RIC3: variants seen among roughly 807,000 people sequenced by gnomAD.
The protein encoded by RIC3 is protein RIC-3.
Under a neutral mutation model 27.3 loss-of-function variants are expected in RIC3, and 28 were observed. The observed-to-expected ratio is 1.02, with a 90% CI of 0.76 to 1.41. The LOEUF is 1.41. RIC3 is among the 40% of genes most tolerant of loss of function. The pLI is 0.00. For missense variants in RIC3, 501 were observed against 444.7 expected (o/e 1.13, Z -1.14); for synonymous variants, 184 against 160.4 (o/e 1.15, Z -1.11).
the RIC3 span, among the ~76,000 whole-genome samples, chr11:8,096,462 G>A: frequency 3.3e-4 from 51 of 152,252 alleles, no homozygotes; most frequent in African/African-American, 7.9e-4. Flanking sequence ...GGCCAGCCCC[G>A]GCTCATGTGT....
chr11:8,153,467 A>C (rs770186699), intron 1 of RIC3: 1 of 448,194 alleles, frequency 2.2e-6, no homozygotes, highest in African/African-American at 2.0e-5. Flanking sequence ...TCATTCAATA[A>C]ATATTGGATT....
rs1469937904 is a variant in RIC3, at chr11:8,137,536, C to T, written c.428-65G>A. On this transcript the variant is annotated intron_variant, in intron 3 of 5. Transcript: ENST00000309737. ...CTCCCTAAACCTGTTAAAGAGACCACAAATTTTTAAAAAGCTATTGTACTG... is the reference window on the plus strand; with the variant it reads ...CTCCCTAAACCTGTTAAAGAGACCATAAATTTTTAAAAAGCTATTGTACTG... The T allele has an allele frequency of 4.5e-6, 6 of 1,319,018 alleles. No homozygotes were observed. In the Admixed American group the frequency reaches 7.4e-5, roughly 16 times the overall value. 81.7% of individuals were successfully genotyped at this position (1,319,018 alleles called of 1,614,324 possible).
rs1945511027 is a variant in RIC3, at chr11:8,113,644, G to A, written c.671-2507C>T. Among the ~76,000 whole-genome samples the A allele has an allele frequency of 2.0e-5, 3 of 152,100 alleles. No individual in the cohort carries two copies. In the South Asian group the frequency reaches 6.2e-4, roughly 32 times the overall value. ...CACCCCCACCTTCAGGTTGGCCCCT[G>A]CATTCCCACAATCCAGCAGACCCTG... is the stretch of plus-strand genomic sequence containing the variant. On this transcript the variant is annotated intron_variant, in intron 5 of 5. Transcript: ENST00000309737.
chr11:8,162,629 C>CTTTTTTTTTT (rs757717970), intron 1 of RIC3, among the ~76,000 whole-genome samples: 49 of 83,736 alleles, frequency 5.9e-4, no homozygotes, highest in South Asian at 8.6e-4. Flanking sequence ...CATGCTTCTT[C>CTTTTTTTTTT]TTTTTTTTTT....
intron 4 of RIC3, among the ~76,000 whole-genome samples, chr11:8,127,594 T>C (rs1202709907): frequency 2.0e-5 from 3 of 152,200 alleles, no homozygotes; most frequent in Non-Finnish European, 4.4e-5. Context: ...ACAGTTTGAT[T>C]GTTTTCTTCT....
At chr11:8,131,112 TC>T (rs1947644206) in intron 4 of RIC3, among the ~76,000 whole-genome samples, 3 of 51,008 alleles carry the variant, frequency 5.9e-5, no homozygotes, top group Admixed American at 1.9e-4. Flanking sequence ...ATTCATTCAC[TC>T]ACTCACTCAC....
chr11:8,135,621 A>C (rs1368224214), intron 4 of RIC3: 1 of 152,166 alleles, frequency 6.6e-6, no homozygotes, highest in East Asian at 1.9e-4. Flanking sequence ...ATGAGCATGG[A>C]ATGTTCTTCC....
Position 8,137,465 on chromosome 11 carries a change from A to C in RIC3, c.434T>G (p.Phe145Cys). 9 of 1,613,764 alleles carry C rather than the reference A, an allele frequency of 5.6e-6. No individual in the cohort carries two copies. Among genetic ancestry groups the C allele is most frequent in the Non-Finnish European group, 7.6e-6 (9 of 1,179,952 alleles). ...TTTTTCTTGCAGTTGAGCAAGCTCA[A>C]AACTGGCTAAAAAATAAGCAACAAT... ...PGNTHRKITSFELAQLQEKLK... is the reference protein window; with the variant it reads ...PGNTHRKITSCELAQLQEKLK... Residue 145 changes from phenylalanine to cysteine, a missense_variant, in exon 4 of 6, where the codon TTT becomes TGT. Transcript: ENST00000309737.
chr11:8,147,877 G>A (rs994490943), intron 1 of RIC3, among the ~76,000 whole-genome samples: 4 of 152,010 alleles, frequency 2.6e-5, no homozygotes, highest in Admixed American at 2.6e-4. Flanking sequence ...ACAGGCATGT[G>A]CCACCACGCC....
chr11:8,137,162 T>A (rs935688634), intron 4 of RIC3, among the ~76,000 whole-genome samples: 11 of 152,150 alleles, frequency 7.2e-5, no homozygotes, highest in African/African-American at 2.7e-4. Context: ...GTAGCTGGGA[T>A]TGCAGGTGTG....
the RIC3 span, among the ~76,000 whole-genome samples, chr11:8,094,931 G>A: frequency 6.6e-6 from 1 of 152,248 alleles, no homozygotes; most frequent in Admixed American, 6.5e-5. Context: ...GTCAGGCCTT[G>A]CTTCTGTTGC....
the RIC3 span, chr11:8,097,586 C>T: frequency 7.6e-7 from 1 of 1,315,236 alleles, no homozygotes. Flanking sequence ...TTTTCCAGTG[C>T]ATTTGTGTGT....
At chr11:8,144,475 A>G (rs369613287) in intron 1 of RIC3, among the ~76,000 whole-genome samples, 1 of 147,332 alleles carries the variant, frequency 6.8e-6, no homozygotes, top group South Asian at 2.3e-4. Context: ...CAAAACCACA[A>G]TGAGATACCA....
At chr11:8,137,348 T>C (rs375875181) in intron 4 of RIC3, 30 bp downstream of exon 4, 15 of 1,580,396 alleles carry the variant, frequency 9.5e-6, no homozygotes, top group African/African-American at 2.7e-5. Flanking sequence ...AAATGAGAAA[T>C]AGTCTGAGTC....
At chr11:8,105,819 C>G (rs1369971792), downstream of RIC3, 1 of 152,190 alleles carries the variant, frequency 6.6e-6, no homozygotes, top group Non-Finnish European at 1.5e-5. Context: ...CTAGCAAGGT[C>G]CAGGCAAAGC....
At chr11:8,155,068 T>G (rs1456083249) in intron 1 of RIC3, among the ~76,000 whole-genome samples, 1 of 151,766 alleles carries the variant, frequency 6.6e-6, no homozygotes, top group African/African-American at 2.4e-5. Flanking sequence ...AAAACTTTTA[T>G]AAATCAGCCG....
At chr11:8,095,486 C>T in the RIC3 span, 21 of 1,602,604 alleles carry the variant, frequency 1.3e-5, no homozygotes, top group East Asian at 3.1e-4. Flanking sequence ...CAGGCGTGTC[C>T]GTGGCCTGCA....
chr11:8,103,690 G>C (rs1944400124), downstream of RIC3: 1 of 152,596 alleles, frequency 6.6e-6, no homozygotes, highest in Admixed American at 6.5e-5. Flanking sequence ...TATAGTTCCA[G>C]TTTAGCCCTT....
At chr11:8,097,926 G>T in the RIC3 span, 1 of 865,942 alleles carries the variant, frequency 1.2e-6, no homozygotes, top group East Asian at 2.5e-5. Flanking sequence ...ATCTAGGCCA[G>T]GGATGGATAC....
Sources: allele counts gnomAD v4.1 joint callset (sites outside exome capture counted in the v4.1 genomes callset), GRCh38; gene constraint gnomAD v4.1.1; transcripts MANE v1.5; gene names NCBI Gene and HGNC (gene_info 2026-07-23, HGNC 2026-07-21).